CHN2: variants seen among roughly 807,000 people sequenced by gnomAD.
CHN2 encodes beta-chimaerin.
In CHN2, 35 loss-of-function variants were observed where a neutral mutation model predicts 56.3. The observed-to-expected ratio is 0.62, with a 90% CI of 0.47 to 0.82. The LOEUF (loss-of-function observed/expected upper bound fraction) is 0.82, where lower values mean the gene tolerates loss of function less well. CHN2 is among the 40% of genes least tolerant of loss of function. The probability of loss-of-function intolerance (pLI) is 0.00; values close to 1 mark genes in which losing one functional copy is unlikely to be tolerated. For missense variants in CHN2, 491 were observed against 580.5 expected (o/e 0.85, Z 1.58); for synonymous variants, 210 against 212.8 (o/e 0.99, Z 0.12).
intron 6 of CHN2, among the ~76,000 whole-genome samples, chr7:29,438,388 T>C (rs1265335619): frequency 1.3e-5 from 2 of 152,240 alleles, no homozygotes; most frequent in Non-Finnish European, 2.9e-5. Flanking sequence ...GTTCTGAACA[T>C]ATTTCTAGAT....
At chr7:29,316,346 A>C in intron 1 of CHN2, among the ~76,000 whole-genome samples, 1 of 152,234 alleles carries the variant, frequency 6.6e-6, no homozygotes, top group East Asian at 1.9e-4. Flanking sequence ...ATACCTTTGT[A>C]ATCATTTTCT....
chr7:29,321,487 A>C (rs896463021), intron 1 of CHN2, among the ~76,000 whole-genome samples: 2 of 152,046 alleles, frequency 1.3e-5, no homozygotes, highest in Non-Finnish European at 2.9e-5. Context: ...GCTCATGAGT[A>C]GTAGAGCTGG....
intron 6 of CHN2, among the ~76,000 whole-genome samples, chr7:29,452,560 T>A (rs1784476897): frequency 6.6e-6 from 1 of 152,258 alleles, no homozygotes; most frequent in South Asian, 2.1e-4. Context: ...TGAATTTTCA[T>A]CAGCCAGATC....
At chr7:29,398,290 C>T in intron 4 of CHN2, 83 bp from the exon 5 acceptor site, 1 of 1,068,750 alleles carries the variant, frequency 9.4e-7, no homozygotes. Context: ...CTGGGTGCCC[C>T]CACCATCCTT....
intron 1 of CHN2, chr7:29,334,416 C>T (rs1406476766): frequency 1.3e-5 from 2 of 152,116 alleles, no homozygotes; most frequent in African/African-American, 4.8e-5. Flanking sequence ...CATCACAAAG[C>T]CACAATGGTG....
Position 29,509,422 on chromosome 7 carries a change from G to C in CHN2, c.1235+16G>C. 1 of 1,594,858 alleles carries C rather than the reference G, an allele frequency of 6.3e-7. No homozygotes were observed. Among genetic ancestry groups the C allele is most frequent in the East Asian group, 2.2e-5 (1 of 44,760 alleles). Reference sequence around the variant, plus strand: ...ACCTCAAAAAGTAAGCTCATGTCTCGTGCACAAAGCCTGCTCTGCTCCTAG... The same window carrying C: ...ACCTCAAAAAGTAAGCTCATGTCTCCTGCACAAAGCCTGCTCTGCTCCTAG... On this transcript the variant is annotated intron_variant, in intron 12 of 12. Transcript: ENST00000222792.
chr7:29,298,691 C>T (rs573811123), intron 1 of CHN2, among the ~76,000 whole-genome samples: 171 of 152,268 alleles, frequency 1.1e-3, no homozygotes, highest in African/African-American at 4.0e-3. Flanking sequence ...TTTTTAAATG[C>T]CTCATCCCTT....
At chr7:29,345,111 C>T (rs971132366) in intron 1 of CHN2, among the ~76,000 whole-genome samples, 3 of 152,178 alleles carry the variant, frequency 2.0e-5, no homozygotes, top group Non-Finnish European at 4.4e-5. Flanking sequence ...CATGCTCTGG[C>T]TTGGGGCTCT....
chr7:29,178,454 G>C (rs796624817), intron 2 of CHN2, among the ~76,000 whole-genome samples: 7 of 151,952 alleles, frequency 4.6e-5, no homozygotes, highest in African/African-American at 7.3e-5. Flanking sequence ...TGCCCAGCTC[G>C]TGTCTGACTC....
At chr7:29,483,443 A>G (rs1295228886) in intron 7 of CHN2, among the ~76,000 whole-genome samples, 1 of 152,186 alleles carries the variant, frequency 6.6e-6, no homozygotes, top group Non-Finnish European at 1.5e-5. Flanking sequence ...ACCTCATCGC[A>G]TGCAATAATT....
intron 1 of CHN2, among the ~76,000 whole-genome samples, chr7:29,272,949 G>T (rs6462131): frequency 6.6e-6 from 1 of 151,924 alleles, no homozygotes; most frequent in Non-Finnish European, 1.5e-5. Flanking sequence ...AAAAATCTAA[G>T]TGTGACTGGC....
At chr7:29,225,378 C>T (rs1268913379) in intron 1 of CHN2, among the ~76,000 whole-genome samples, 10 of 152,098 alleles carry the variant, frequency 6.6e-5, no homozygotes, top group Non-Finnish European at 4.4e-5. Flanking sequence ...TATATATGTA[C>T]GGACTCTAAA....
chr7:29,316,844 G>T (rs1406310414), intron 1 of CHN2, among the ~76,000 whole-genome samples: 1 of 152,072 alleles, frequency 6.6e-6, no homozygotes, highest in African/African-American at 2.4e-5. Flanking sequence ...AGGGTGTGTG[G>T]TAGCGGGGGA....
At chr7:29,372,451 TTTC>T (rs1415991345) in intron 3 of CHN2, among the ~76,000 whole-genome samples, 1 of 152,206 alleles carries the variant, frequency 6.6e-6, no homozygotes, top group African/African-American at 2.4e-5. Flanking sequence ...TCTGATACAC[TTTC>T]TTAACATATT....
intron 3 of CHN2, among the ~76,000 whole-genome samples, chr7:29,389,157 C>A (rs1219831781): frequency 6.6e-6 from 1 of 152,120 alleles, no homozygotes; most frequent in Non-Finnish European, 1.5e-5. Flanking sequence ...TTCTAATATT[C>A]CCGTTGCTCA....
At chr7:29,402,694 C>T (rs1316931030) in intron 6 of CHN2, among the ~76,000 whole-genome samples, 1 of 152,130 alleles carries the variant, frequency 6.6e-6, no homozygotes, top group Non-Finnish European at 1.5e-5. Flanking sequence ...AAGAGGAGAG[C>T]AGGAGGAGTG....
chr7:29,291,926 G>A (rs555541262), intron 1 of CHN2, among the ~76,000 whole-genome samples: 9 of 152,106 alleles, frequency 5.9e-5, no homozygotes, highest in South Asian at 2.1e-4. Flanking sequence ...CTTTACTCTC[G>A]GAAGTTTTGT....
chr7:29,355,055 A>G (rs1045998332), intron 2 of CHN2, among the ~76,000 whole-genome samples: 10 of 151,434 alleles, frequency 6.6e-5, no homozygotes, highest in African/African-American at 2.4e-4. Flanking sequence ...CGCAACCTCC[A>G]TCTCCTGGGT....
At chr7:29,332,294 G>A (rs768333000) in intron 1 of CHN2, among the ~76,000 whole-genome samples, 6 of 152,060 alleles carry the variant, frequency 3.9e-5, no homozygotes, top group Non-Finnish European at 8.8e-5. Flanking sequence ...CTACCCTGTG[G>A]GGTTCTTGGG....
Sources: gnomAD v4.1 joint callset for allele counts (sites outside exome capture counted in the v4.1 genomes callset) on GRCh38, gnomAD v4.1.1 for gene constraint, MANE v1.5 for transcripts, NCBI Gene and HGNC (gene_info 2026-07-23, HGNC 2026-07-21) for gene names.